The following ADAM10 variants were observed in gnomAD, a reference collection of about 807,000 sequenced individuals.
ADAM10 encodes the protein ADAM metallopeptidase domain 10.
ADAM10 carries 17 observed loss-of-function variants against 90.1 expected under a neutral mutation model. That is an observed-to-expected ratio of 0.19 (90% CI 0.13 to 0.28). ADAM10 has a LOEUF of 0.28. Ranked by LOEUF, ADAM10 falls within the 10% of genes least tolerant of loss-of-function variation. The pLI is 1.00. For synonymous variants in ADAM10, 310 were observed against 298.6 expected (o/e 1.04, Z -0.40); for missense variants, 610 against 914.3 (o/e 0.67, Z 4.29).
chr15:58,691,216 C>G, intron 2 of ADAM10: 1 of 823,646 alleles, frequency 1.2e-6, no homozygotes, highest in Non-Finnish European at 2.1e-6. Context: ...CAGAGGTTCT[C>G]AAACTTTACG....
chr15:58,727,205 TCCCAAAAACAGCG>T (rs1567014721), intron 1 of ADAM10, among the ~76,000 whole-genome samples: 16 of 89,146 alleles, frequency 1.8e-4, no homozygotes, highest in East Asian at 7.8e-4. Context: ...TTTTTTTTTT[TCCCAAAAACAGCG>T]TTTCGCTCGT....
At chr15:58,705,535 C>T (rs74017291) in intron 2 of ADAM10, among the ~76,000 whole-genome samples, 11,732 of 152,122 alleles carry the variant, frequency 0.077, 1,321 homozygotes, top group African/African-American at 0.24. Context: ...TTTACCACGT[C>T]GTAGTAATAG....
intron 2 of ADAM10, chr15:58,691,306 TC>T: frequency 8.1e-7 from 1 of 1,240,074 alleles, no homozygotes; most frequent in Non-Finnish European, 1.2e-6. Flanking sequence ...AGCAGGCTCT[TC>T]CCATCAAATT....
At position 58,709,435 on chromosome 15, in the gene ADAM10, T is replaced by C. The variant is rs113963873; in HGVS notation, c.206+8142A>G. On this transcript the variant is annotated intron_variant, in intron 2 of 15. Coordinates refer to ENST00000260408, the MANE Select transcript of ADAM10 (RefSeq NM_001110.4). ...TCTAGGTCACCAACTCTAGAAACTCTGGCATTAAAAACTACACCACTGGCC... is the reference window on the plus strand; with the variant it reads ...TCTAGGTCACCAACTCTAGAAACTCCGGCATTAAAAACTACACCACTGGCC... Among the ~76,000 whole-genome samples the C allele has an allele frequency of 3.4e-3, 519 of 152,284 alleles. 5 individuals are homozygous for C. The highest frequency in any genetic ancestry group is 0.012 in the African/African-American group (498 of 41,556).
intron 4 of ADAM10, among the ~76,000 whole-genome samples, chr15:58,676,576 G>GA (rs536388173): frequency 2.5e-4 from 38 of 152,058 alleles, no homozygotes; most frequent in Non-Finnish European, 3.7e-4. Flanking sequence ...AATGGTTAAA[G>GA]AAAAAATCAA....
chr15:58,655,695 A>AGTGT (rs1566982234), intron 5 of ADAM10, among the ~76,000 whole-genome samples: 4 of 68,576 alleles, frequency 5.8e-5, no homozygotes, highest in African/African-American at 3.1e-4. Flanking sequence ...TATTATATAT[A>AGTGT]GTATATATAT....
intron 2 of ADAM10, chr15:58,692,247 T>A (rs569533559): frequency 1.7e-6 from 1 of 595,742 alleles, no homozygotes; most frequent in African/African-American, 1.9e-5. Flanking sequence ...CTACAGGGAA[T>A]TGCTTGACTG....
chr15:58,634,587 A>G (rs1461037825), intron 8 of ADAM10, among the ~76,000 whole-genome samples: 1 of 152,216 alleles, frequency 6.6e-6, no homozygotes, highest in African/African-American at 2.4e-5. Flanking sequence ...AAAATCAGAA[A>G]CCATCTGGTC....
intron 6 of ADAM10, among the ~76,000 whole-genome samples, chr15:58,644,316 G>A (rs1285042696): frequency 6.7e-6 from 1 of 148,900 alleles, no homozygotes; most frequent in Non-Finnish European, 1.5e-5. Flanking sequence ...TGCAACCTCT[G>A]CCTCCCAGAT....
intron 4 of ADAM10, among the ~76,000 whole-genome samples, chr15:58,671,598 G>A (rs1348331242): frequency 2.0e-5 from 3 of 152,182 alleles, no homozygotes; most frequent in Admixed American, 2.0e-4. Flanking sequence ...CCTTGGCCAG[G>A]CATGGTGGCT....
chr15:58,595,403 T>C lies in ADAM10; in HGVS notation c.*2144A>G, dbSNP rs1190132089. The stretch of plus-strand genomic sequence containing the variant: ...GTATAGAACCTTCAAGTTGATTTAA[T>C]CGTCTATTTATTAATGCATTTCAAG... On this transcript the variant is annotated 3_prime_UTR_variant, in exon 16 of 16. Transcript: ENST00000260408. The C allele has an allele frequency of 1.3e-5, 2 of 152,156 alleles. No individual in the cohort carries two copies. Among genetic ancestry groups the C allele is most frequent in the Non-Finnish European group, 2.9e-5 (2 of 67,972 alleles). 9.4% of individuals were successfully genotyped at this position (152,156 alleles called of 1,614,324 possible).
chr15:58,703,494 C>A (rs1245983050), intron 2 of ADAM10, among the ~76,000 whole-genome samples: 5 of 152,032 alleles, frequency 3.3e-5, no homozygotes, highest in Admixed American at 6.6e-5. Flanking sequence ...TGTATACATA[C>A]AATAGAATAT....
At chr15:58,725,833 C>T (rs1165516528) in intron 1 of ADAM10, among the ~76,000 whole-genome samples, 1 of 151,984 alleles carries the variant, frequency 6.6e-6, no homozygotes, top group African/African-American at 2.4e-5. Flanking sequence ...ATAACTTTCA[C>T]AAATGAAGGT....
In ADAM10 at chr15:58,620,943, C is replaced by T. The variant is rs1393723101; in HGVS notation, c.1511+528G>A. Among the ~76,000 whole-genome samples, 4 of 41,356 alleles carry T rather than the reference C, an allele frequency of 9.7e-5. 2 individuals are homozygous for T. Among genetic ancestry groups the T allele is most frequent in the Middle Eastern group, 0.021 (2 of 96 alleles). 27.1% of individuals were successfully genotyped at this position (41,356 alleles called of 152,430 possible). A position where few individuals can be genotyped will look rare whatever the true frequency, so the allele number is the denominator to read the frequency against. ...TCGGCCTCCCAAAGTGCTGGGATTA[C>T]AGGCGTGAGCCACCGCGCCCGGCCA... On this transcript the variant is annotated intron_variant, in intron 11 of 15. Transcript: ENST00000260408.
chr15:58,665,017 G>A (rs1377968514), intron 5 of ADAM10, 80 bp downstream of exon 5: 9 of 1,135,006 alleles, frequency 7.9e-6, no homozygotes, highest in South Asian at 1.2e-5. Flanking sequence ...AGAAATCCTA[G>A]AACATATATT....
chr15:58,705,698 A>G (rs1268849593), intron 2 of ADAM10, among the ~76,000 whole-genome samples: 2 of 152,212 alleles, frequency 1.3e-5, no homozygotes, highest in African/African-American at 4.8e-5. Flanking sequence ...TACCTCCTAC[A>G]TCTTAATATA....
chr15:58,740,044 T>C (rs544635178), intron 1 of ADAM10, among the ~76,000 whole-genome samples: 1 of 152,324 alleles, frequency 6.6e-6, no homozygotes, highest in South Asian at 2.1e-4. Flanking sequence ...AAGAATAAAG[T>C]TACTTCCCTC....
rs199790724 is a variant in ADAM10 at position 58,749,646 on chromosome 15, C to G, written c.-112G>C. On this transcript the variant is annotated 5_prime_UTR_variant, in exon 1 of 16. Coordinates refer to ENST00000260408, the MANE Select transcript of ADAM10 (RefSeq NM_001110.4). ...CCGGAGCCTCCACGGGAAGCCGGGA[C>G]CTCCCCTGGCAGGAGAAACGGCGAA... The G allele has an allele frequency of 3.2e-5, 49 of 1,520,754 alleles. No individual in the cohort carries two copies. The highest frequency in any genetic ancestry group is 4.3e-5 in the Non-Finnish European group (48 of 1,128,542). The allele number at this position is 1,520,754 out of a possible 1,614,324, so 94.2% of individuals were successfully genotyped here.
At chr15:58,648,877 A>G (rs1410680307) in intron 5 of ADAM10, among the ~76,000 whole-genome samples, 1 of 152,022 alleles carries the variant, frequency 6.6e-6, no homozygotes, top group African/African-American at 2.4e-5. Flanking sequence ...ACTTTGGCTG[A>G]TAATAGACAT....
Sources: allele counts gnomAD v4.1 joint callset (sites outside exome capture counted in the v4.1 genomes callset), GRCh38; gene constraint gnomAD v4.1.1; transcripts MANE v1.5; gene names NCBI Gene and HGNC (gene_info 2026-07-23, HGNC 2026-07-21).